The following NLGN1 variants were observed in gnomAD, a reference collection of about 807,000 sequenced individuals.
NLGN1 encodes the protein neuroligin-1.
In NLGN1, 12 loss-of-function variants were observed where a neutral mutation model predicts 65.5. The observed-to-expected ratio is 0.18, with a 90% CI of 0.12 to 0.30. The LOEUF is 0.30. Ranked by LOEUF, NLGN1 falls within the 10% of genes least tolerant of loss-of-function variation. NLGN1 has a pLI of 1.00. For missense variants in NLGN1, 750 were observed against 1,007.1 expected (o/e 0.74, Z 3.46); for synonymous variants, 350 against 359.5 (o/e 0.97, Z 0.30).
intron 3 of NLGN1, among the ~76,000 whole-genome samples, chr3:173,799,973 A>G (rs1315291873): frequency 6.7e-6 from 1 of 150,128 alleles, no homozygotes; most frequent in Non-Finnish European, 1.5e-5. Flanking sequence ...TCAGCTAATA[A>G]AACTGTTTAC....
intron 4 of NLGN1, among the ~76,000 whole-genome samples, chr3:174,231,123 G>A (rs1740623024): frequency 6.6e-6 from 1 of 152,190 alleles, no homozygotes; most frequent in Non-Finnish European, 1.5e-5. Flanking sequence ...GCAAGAGGGA[G>A]TCAGTTAAGT....
chr3:173,814,700 A>C (rs1240931851), intron 4 of NLGN1, among the ~76,000 whole-genome samples: 2 of 152,226 alleles, frequency 1.3e-5, no homozygotes, highest in African/African-American at 4.8e-5. Context: ...TAAATTGAGC[A>C]ATATTATGTA....
chr3:173,537,483 A>C (rs1291487213), intron 2 of NLGN1, among the ~76,000 whole-genome samples: 1 of 149,004 alleles, frequency 6.7e-6, no homozygotes, highest in South Asian at 2.1e-4. Context: ...GTATTTGCTT[A>C]GTGTGTGTGT....
chr3:174,083,632 T>C (rs1742681585), intron 4 of NLGN1, among the ~76,000 whole-genome samples: 1 of 152,204 alleles, frequency 6.6e-6, no homozygotes, highest in Non-Finnish European at 1.5e-5. Flanking sequence ...ATTGGAATAC[T>C]TTTAAAAAAG....
At position 174,233,832 on chromosome 3, in the gene NLGN1, C is replaced by T. The variant is rs78768439; in HGVS notation, c.647-41483C>T. Reference sequence around the variant, plus strand: ...TTAATGGTATTATTAAGTCCACAAACGTAGATATTGCCACAAAATATTACC... The same window carrying T: ...TTAATGGTATTATTAAGTCCACAAATGTAGATATTGCCACAAAATATTACC... On this transcript the variant is annotated intron_variant, in intron 4 of 6. Coordinates refer to ENST00000457714, the Ensembl canonical transcript of NLGN1. Among the ~76,000 whole-genome samples, 773 of 152,206 alleles carry T rather than the reference C, an allele frequency of 5.1e-3. 7 individuals carry two copies. The highest frequency in any genetic ancestry group is 0.018 in the African/African-American group (752 of 41,528).
At chr3:173,983,346 G>T (rs1719180980) in intron 4 of NLGN1, among the ~76,000 whole-genome samples, 2 of 152,148 alleles carry the variant, frequency 1.3e-5, no homozygotes, top group South Asian at 4.1e-4. Flanking sequence ...TATTGAGTTG[G>T]ATATATGGGC....
intron 4 of NLGN1, among the ~76,000 whole-genome samples, chr3:174,037,424 C>T (rs997749095): frequency 6.6e-6 from 1 of 152,178 alleles, no homozygotes; most frequent in Non-Finnish European, 1.5e-5. Flanking sequence ...GTCAAAGGGG[C>T]TGCTCTCTAC....
intron 3 of NLGN1, among the ~76,000 whole-genome samples, chr3:173,672,442 A>T (rs553350615): frequency 6.6e-6 from 1 of 152,230 alleles, no homozygotes; most frequent in African/African-American, 2.4e-5. Context: ...CTGTTCTGAC[A>T]CCTGATGATA....
At chr3:174,008,464 G>T (rs1198302593) in intron 4 of NLGN1, among the ~76,000 whole-genome samples, 2 of 150,356 alleles carry the variant, frequency 1.3e-5, no homozygotes, top group African/African-American at 2.5e-5. Context: ...TTGCTTCCCA[G>T]CCCACCATTT....
At chr3:173,510,412 A>G (rs1214895758) in intron 2 of NLGN1, among the ~76,000 whole-genome samples, 4 of 152,188 alleles carry the variant, frequency 2.6e-5, no homozygotes, top group Non-Finnish European at 4.4e-5. Context: ...TCTTCCTAGT[A>G]TGTCATCACT....
intron 2 of NLGN1, among the ~76,000 whole-genome samples, chr3:173,482,622 G>T (rs543685944): frequency 6.6e-6 from 1 of 151,556 alleles, no homozygotes. Flanking sequence ...CATTTCTCTC[G>T]GAGGCTATTT....
chr3:173,922,413 A>G (rs1742219779), intron 4 of NLGN1, among the ~76,000 whole-genome samples: 1 of 152,100 alleles, frequency 6.6e-6, no homozygotes, highest in Non-Finnish European at 1.5e-5. Context: ...TTGCTAAGAA[A>G]TATAGCTCAA....
chr3:173,810,826 T>C (rs1326658640), intron 4 of NLGN1, among the ~76,000 whole-genome samples: 1 of 152,204 alleles, frequency 6.6e-6, no homozygotes, highest in Non-Finnish European at 1.5e-5. Flanking sequence ...AGGTCAGAAT[T>C]AGTTCTTCTA....
intron 4 of NLGN1, among the ~76,000 whole-genome samples, chr3:173,901,768 T>C (rs1737425615): frequency 6.6e-6 from 1 of 152,056 alleles, no homozygotes; most frequent in African/African-American, 2.4e-5. Flanking sequence ...TAAAATGCTG[T>C]TGAATTTTAT....
At chr3:174,240,725 C>A (rs142759195) in intron 4 of NLGN1, among the ~76,000 whole-genome samples, 222 of 152,252 alleles carry the variant, frequency 1.5e-3, no homozygotes, top group African/African-American at 5.2e-3. Context: ...TATTCAAGGG[C>A]TCAGAATATA....
At chr3:173,614,352 AT>A (rs1752739524) in intron 3 of NLGN1, among the ~76,000 whole-genome samples, 2 of 152,004 alleles carry the variant, frequency 1.3e-5, no homozygotes, top group African/African-American at 4.8e-5. Flanking sequence ...ATTATTAAAA[AT>A]ATATATGTGC....
rs531734499 is a variant in NLGN1, at chr3:173,940,116, C to A, written c.646+132284C>A. 2.5e-3 allele frequency among the ~76,000 whole-genome samples: 198 copies of A among 78,070 alleles called. 1 individual carries two copies. Among genetic ancestry groups the A allele is most frequent in the Non-Finnish European group, 3.5e-3 (159 of 45,726 alleles). The allele number at this position is 78,070 out of a possible 152,430, so 51.2% of individuals were successfully genotyped here. A position where few individuals can be genotyped will look rare whatever the true frequency, so the allele number is the denominator to read the frequency against. On this transcript the variant is annotated intron_variant, in intron 4 of 6. Coordinates refer to ENST00000457714, the Ensembl canonical transcript of NLGN1. The stretch of plus-strand genomic sequence containing the variant: ...TTTTTTTTTTTTTTTGAGATGGAGT[C>A]TCGCTCTTGTTGCCGAGGCTGGAGT...
chr3:173,970,490 G>C (rs1360680471), intron 4 of NLGN1, among the ~76,000 whole-genome samples: 2 of 151,992 alleles, frequency 1.3e-5, no homozygotes, highest in African/African-American at 2.4e-5. Context: ...GGTAGGAGTA[G>C]ATTAAGTAGG....
intron 2 of NLGN1, among the ~76,000 whole-genome samples, chr3:173,575,774 C>A (rs1314676932): frequency 6.6e-6 from 1 of 152,052 alleles, no homozygotes; most frequent in East Asian, 1.9e-4. Flanking sequence ...AGTTTCGTTT[C>A]TTTTCAGATC....
Sources: gnomAD v4.1 joint callset for allele counts (sites outside exome capture counted in the v4.1 genomes callset) on GRCh38, gnomAD v4.1.1 for gene constraint, MANE v1.5 for transcripts, NCBI Gene and HGNC (gene_info 2026-07-23, HGNC 2026-07-21) for gene names.